The following LRCH3 variants were observed in gnomAD, a reference collection of about 807,000 sequenced individuals.
The protein encoded by LRCH3 is DISP complex protein LRCH3.
A neutral mutation model predicts 104.5 loss-of-function variants in LRCH3; 68 were observed. That is an observed-to-expected ratio of 0.65 (90% CI 0.54 to 0.80). The LOEUF (loss-of-function observed/expected upper bound fraction) is 0.80, where lower values mean the gene tolerates loss of function less well. LRCH3 is among the 30% of genes least tolerant of loss of function. LRCH3 has a pLI of 0.00. For synonymous variants in LRCH3, 344 were observed against 361.3 expected (o/e 0.95, Z 0.54); for missense variants, 951 against 953.9 (o/e 1.00, Z 0.04).
chr3:197,872,360 G>GA lies in LRCH3; in HGVS notation c.2130+918dup, dbSNP rs56254857. ...TGAGAGAGCAAGACCCTGTCTCAAA[G>GA]AAAAAAAAAAAAAAAAAAAAGGAAT... is the stretch of plus-strand genomic sequence containing the variant. On this transcript the variant is annotated intron_variant, in intron 19 of 20. Coordinates refer to ENST00000425562, the MANE Select transcript of LRCH3 (RefSeq NM_001365715.1). Among the ~76,000 whole-genome samples, 346 of 105,364 alleles carry GA rather than the reference G, an allele frequency of 3.3e-3. 3 individuals carry two copies. Among genetic ancestry groups the GA allele is most frequent in the Admixed American group, 0.012 (105 of 8,982 alleles). The allele number at this position is 105,364 out of a possible 152,430, so 69.1% of individuals were successfully genotyped here.
intron 20 of LRCH3, 70 bp downstream of exon 20, chr3:197,875,845 C>A: frequency 2.0e-6 from 2 of 1,004,770 alleles, no homozygotes; most frequent in Non-Finnish European, 1.5e-6. Flanking sequence ...AAATGTAAAT[C>A]TCTAAAATCT....
chr3:197,840,570 A>G (rs1345266965), intron 10 of LRCH3, among the ~76,000 whole-genome samples: 2 of 152,228 alleles, frequency 1.3e-5, no homozygotes, highest in African/African-American at 2.4e-5. Context: ...GTAGTTGGAA[A>G]TTTCAGCCTT....
intron 1 of LRCH3, among the ~76,000 whole-genome samples, chr3:197,813,811 G>A (rs1733505506): frequency 1.3e-5 from 2 of 152,184 alleles, no homozygotes; most frequent in African/African-American, 4.8e-5. Context: ...GATTACAGGC[G>A]TGAGCCACCG....
rs1714286986 is a variant in LRCH3 at position 197,887,351 on chromosome 3, C to CT, written c.*3685_*3686insT. On this transcript the variant is annotated 3_prime_UTR_variant, in exon 21 of 21. Transcript: ENST00000425562. ...CACTGACAGTGTTGGGGGTTGAGAG[C>CT]CCCCCAGCAGAGCCCTTCCCATCAC... is the stretch of plus-strand genomic sequence containing the variant. 6.5e-6 allele frequency: 1 copy of CT among 153,772 alleles called. No individual in the cohort carries two copies. The highest frequency in any genetic ancestry group is 2.4e-5 in the African/African-American group (1 of 41,106). The allele number at this position is 153,772 out of a possible 1,614,324, so 9.5% of individuals were successfully genotyped here.
Position 197,839,313 on chromosome 3 carries a change from T to C in LRCH3, c.1252-8T>C, listed in dbSNP as rs752773808. 4.5e-6 allele frequency: 7 copies of C among 1,571,358 alleles called. No individual in the cohort carries two copies. In the African/African-American group the frequency reaches 6.9e-5, roughly 15 times the overall value. The stretch of plus-strand genomic sequence containing the variant: ...ACTAAATTTATTTATTTCTGTCCTC[T>C]GGCCTAGGGTTCACCAGTAAAGCCA... On this transcript the variant is annotated splice_polypyrimidine_tract_variant and splice_region_variant and intron_variant, in intron 9 of 20. Transcript: ENST00000425562.
chr3:197,882,726 A>C (rs1713889879), intron 20 of LRCH3: 1 of 985,426 alleles, frequency 1.0e-6, no homozygotes, highest in Non-Finnish European at 1.2e-6. Flanking sequence ...TAACCTAACA[A>C]ATTAACGATG....
chr3:197,800,831 C>T (rs1234946820), intron 1 of LRCH3, among the ~76,000 whole-genome samples: 1 of 152,152 alleles, frequency 6.6e-6, no homozygotes, highest in Non-Finnish European at 1.5e-5. Flanking sequence ...TGCGGTGGCT[C>T]ACACCTATAA....
intron 3 of LRCH3, among the ~76,000 whole-genome samples, chr3:197,818,465 A>G (rs1157768962): frequency 1.3e-5 from 2 of 152,182 alleles, no homozygotes; most frequent in African/African-American, 4.8e-5. Context: ...ATTAATACAT[A>G]TGTAATATAG....
chr3:197,881,072 T>C, intron 20 of LRCH3: 1 of 1,094,510 alleles, frequency 9.1e-7, no homozygotes, highest in Non-Finnish European at 1.1e-6. Context: ...AGTCACACAA[T>C]ACAACTCCCA....
At chr3:197,798,686 C>G (rs779957532) in intron 1 of LRCH3, among the ~76,000 whole-genome samples, 11 of 152,216 alleles carry the variant, frequency 7.2e-5, no homozygotes, top group Admixed American at 4.6e-4. Context: ...CTTGGAAATA[C>G]GGACTAGAGT....
chr3:197,872,069 G>A (rs1360808855), intron 19 of LRCH3, among the ~76,000 whole-genome samples: 1 of 152,166 alleles, frequency 6.6e-6, no homozygotes, highest in African/African-American at 2.4e-5. Flanking sequence ...TTAGAATGAC[G>A]AATCTAGGCT....
intron 1 of LRCH3, among the ~76,000 whole-genome samples, chr3:197,798,268 AT>A (rs200503701): frequency 2.7e-5 from 4 of 149,936 alleles, no homozygotes; most frequent in African/African-American, 7.5e-5. Context: ...CTCAAAAAAA[AT>A]AAATAAATAA....
chr3:197,878,594 C>G (rs1713179441), intron 20 of LRCH3, among the ~76,000 whole-genome samples: 1 of 152,174 alleles, frequency 6.6e-6, no homozygotes, highest in Non-Finnish European at 1.5e-5. Context: ...TTCTCCCCTT[C>G]CACCTCCCAC....
At chr3:197,879,562 C>G (rs189761137) in intron 20 of LRCH3, among the ~76,000 whole-genome samples, 1 of 148,270 alleles carries the variant, frequency 6.7e-6, no homozygotes, top group African/African-American at 2.6e-5. Context: ...GGGAGAATGG[C>G]GGGAACCCGG....
chr3:197,865,030 T>G (rs1295017352), intron 15 of LRCH3, among the ~76,000 whole-genome samples: 1 of 150,438 alleles, frequency 6.6e-6, no homozygotes, highest in African/African-American at 2.5e-5. Flanking sequence ...AGAGAGAGAG[T>G]CTCCCTCTGT....
intron 14 of LRCH3, among the ~76,000 whole-genome samples, chr3:197,858,170 T>TA: frequency 6.6e-6 from 1 of 152,352 alleles, no homozygotes; most frequent in Non-Finnish European, 1.5e-5. Context: ...GAGCACCTCT[T>TA]ACCTGTAATC....
chr3:197,837,092 A>G (rs1736921895), intron 9 of LRCH3, among the ~76,000 whole-genome samples: 1 of 152,174 alleles, frequency 6.6e-6, no homozygotes, highest in African/African-American at 2.4e-5. Context: ...GTTGGATAAA[A>G]TTAGATAAGT....
At chr3:197,873,670 A>G (rs1448871172) in intron 19 of LRCH3, among the ~76,000 whole-genome samples, 1 of 152,136 alleles carries the variant, frequency 6.6e-6, no homozygotes, top group East Asian at 1.9e-4. Context: ...GGCTGCAGTG[A>G]GCCACGATCA....
At chr3:197,880,007 G>A (rs984829372) in intron 20 of LRCH3, among the ~76,000 whole-genome samples, 57 of 149,322 alleles carry the variant, frequency 3.8e-4, no homozygotes, top group South Asian at 1.1e-3. Flanking sequence ...GTGCGGTGGC[G>A]CGATCTCGGC....
Sources: allele counts gnomAD v4.1 joint callset (sites outside exome capture counted in the v4.1 genomes callset), GRCh38; gene constraint gnomAD v4.1.1; transcripts MANE v1.5; gene names NCBI Gene and HGNC (gene_info 2026-07-23, HGNC 2026-07-21).